The following RBPJ variants were observed in gnomAD, a reference collection of about 807,000 sequenced individuals.
The protein encoded by RBPJ is recombining binding protein suppressor of hairless.
A neutral mutation model predicts 67.8 loss-of-function variants in RBPJ; 9 were observed. The ratio of observed to expected loss-of-function variants is 0.13; its 90% CI spans 0.08 to 0.23. The LOEUF (loss-of-function observed/expected upper bound fraction) is 0.23, where lower values mean the gene tolerates loss of function less well. Ranked by LOEUF, RBPJ falls within the 10% of genes least tolerant of loss-of-function variation. The pLI is 1.00. For missense variants in RBPJ, 305 were observed against 595.6 expected (o/e 0.51, Z 5.08); for synonymous variants, 198 against 203.3 (o/e 0.97, Z 0.22).
chr4:26,118,447 G>T, the RBPJ span, among the ~76,000 whole-genome samples: 1 of 152,210 alleles, frequency 6.6e-6, no homozygotes, highest in Non-Finnish European at 1.5e-5. Context: ...GTGGGATCAT[G>T]TGGTACAAAA....
At position 26,429,063 on chromosome 4, in the gene RBPJ, T is replaced by C. The variant is rs372767777; in HGVS notation, c.888+203T>C. Among the ~76,000 whole-genome samples, 28 of 152,300 alleles carry C rather than the reference T, an allele frequency of 1.8e-4. No individual in the cohort carries two copies. In the East Asian group the frequency reaches 4.8e-3, roughly 26 times the overall value. ...TTCCTCAAGGAAGAACTCAAAATTA[T>C]GAAAATGTTCTCAGAGAAAACAGTT... On this transcript the variant is annotated intron_variant, in intron 8 of 10. Coordinates refer to ENST00000355476, the MANE Select transcript of RBPJ (RefSeq NM_015874.6).
chr4:26,366,242 A>G (rs895734669), intron 1 of RBPJ, among the ~76,000 whole-genome samples: 6 of 152,066 alleles, frequency 3.9e-5, no homozygotes, highest in South Asian at 4.2e-4. Flanking sequence ...AAAGCTTCAG[A>G]TATTTAAGAC....
chr4:26,388,188 G>T (rs1731113666), intron 2 of RBPJ, among the ~76,000 whole-genome samples: 1 of 151,878 alleles, frequency 6.6e-6, no homozygotes, highest in Admixed American at 6.6e-5. Context: ...GTAGAGACAG[G>T]GTCTCACTAT....
At chr4:26,120,789 G>A in the RBPJ span, among the ~76,000 whole-genome samples, 1 of 146,834 alleles carries the variant, frequency 6.8e-6, no homozygotes, top group Admixed American at 7.0e-5. Context: ...GACCATTGAG[G>A]CGTGGACAGA....
chr4:26,245,301 C>T (rs141696161), intron 1 of RBPJ, among the ~76,000 whole-genome samples: 1,568 of 151,022 alleles, frequency 0.01, 30 homozygotes, highest in African/African-American at 0.037. Flanking sequence ...CTCCACCTCC[C>T]GGGTTCAAGC....
intron 1 of RBPJ, among the ~76,000 whole-genome samples, chr4:26,266,418 G>C (rs1720706301): frequency 6.6e-6 from 1 of 152,200 alleles, no homozygotes; most frequent in African/African-American, 2.4e-5. Flanking sequence ...TGATGAATAA[G>C]TAGACTGTTA....
chr4:26,229,975 G>A (rs998798586), intron 1 of RBPJ, among the ~76,000 whole-genome samples: 8 of 152,088 alleles, frequency 5.3e-5, no homozygotes, highest in Admixed American at 5.2e-4. Context: ...AACGGCTTGA[G>A]CCCAGGGGTT....
chr4:26,340,907 G>A (rs1276382427), intron 1 of RBPJ, among the ~76,000 whole-genome samples: 1 of 151,426 alleles, frequency 6.6e-6, no homozygotes, highest in Non-Finnish European at 1.5e-5. Context: ...GCATGTGAAA[G>A]CCTTGAAATA....
At chr4:26,219,902 A>G (rs960219671) in intron 1 of RBPJ, among the ~76,000 whole-genome samples, 6 of 151,572 alleles carry the variant, frequency 4.0e-5, no homozygotes, top group African/African-American at 1.5e-4. Flanking sequence ...CAGCCTCCCA[A>G]GTAGCTGGGA....
chr4:26,161,879 C>G (rs1560192331), upstream of RBPJ, among the ~76,000 whole-genome samples: 1 of 152,226 alleles, frequency 6.6e-6, no homozygotes, highest in Non-Finnish European at 1.5e-5. Flanking sequence ...AGTGCTTTAA[C>G]AACTGGTGAT....
intron 2 of RBPJ, among the ~76,000 whole-genome samples, chr4:26,404,170 A>G (rs1037695458): frequency 1.3e-5 from 2 of 151,918 alleles, no homozygotes; most frequent in Non-Finnish European, 1.5e-5. Flanking sequence ...CACTTTTCAT[A>G]TGCTTGTTGG....
At chr4:26,313,223 C>T (rs192934541) in intron 1 of RBPJ, among the ~76,000 whole-genome samples, 2 of 152,242 alleles carry the variant, frequency 1.3e-5, no homozygotes, top group African/African-American at 4.8e-5. Context: ...AAGCCGGAAC[C>T]ATAACTTCTA....
At position 26,365,214 on chromosome 4, in the gene RBPJ, C is replaced by T. The variant is rs948693786; in HGVS notation, c.21-21139C>T. On this transcript the variant is annotated intron_variant, in intron 1 of 10. Coordinates refer to ENST00000355476, the MANE Select transcript of RBPJ (RefSeq NM_015874.6). Reference sequence around the variant, plus strand: ...ATTAGATTTTTTTTTGTAGAGGGTACGCTATTACATTTTTCTTACCCTGAC... The same window carrying T: ...ATTAGATTTTTTTTTGTAGAGGGTATGCTATTACATTTTTCTTACCCTGAC... 4.0e-5 allele frequency among the ~76,000 whole-genome samples: 6 copies of T among 151,608 alleles called. 1 individual carries two copies. In the South Asian group the frequency reaches 6.2e-4, roughly 16 times the overall value.
At chr4:26,146,812 CT>C in the RBPJ span, among the ~76,000 whole-genome samples, 7 of 152,288 alleles carry the variant, frequency 4.6e-5, no homozygotes, top group African/African-American at 1.7e-4. Context: ...ACAGAGATTG[CT>C]CATTTAAATT....
At chr4:26,109,565 CT>C in the RBPJ span, among the ~76,000 whole-genome samples, 1 of 61,976 alleles carries the variant, frequency 1.6e-5, no homozygotes, top group Non-Finnish European at 3.4e-5. Context: ...CTTCCTCTCT[CT>C]CTCTCTCTCT....
intron 1 of RBPJ, among the ~76,000 whole-genome samples, chr4:26,326,330 T>G (rs2109340322): frequency 6.6e-6 from 1 of 152,270 alleles, no homozygotes; most frequent in South Asian, 2.1e-4. Flanking sequence ...AAGTTTTTTT[T>G]TTTGATTATT....
At chr4:26,249,826 G>C (rs1249847947) in intron 1 of RBPJ, among the ~76,000 whole-genome samples, 1 of 134,884 alleles carries the variant, frequency 7.4e-6, no homozygotes, top group African/African-American at 2.8e-5. Context: ...TTTTGCTCCA[G>C]CCCAGGCTGG....
intron 1 of RBPJ, among the ~76,000 whole-genome samples, chr4:26,358,217 CAAAT>C (rs1727617638): frequency 6.6e-6 from 1 of 151,914 alleles, no homozygotes; most frequent in Non-Finnish European, 1.5e-5. Flanking sequence ...TTGTACTGTG[CAAAT>C]ATATCATGAC....
At chr4:26,400,104 A>C (rs1200505748) in intron 2 of RBPJ, among the ~76,000 whole-genome samples, 1 of 152,236 alleles carries the variant, frequency 6.6e-6, no homozygotes, top group African/African-American at 2.4e-5. Context: ...TTCTACGGTC[A>C]AGGATTCTTC....
Sources: gnomAD v4.1 joint callset for allele counts (sites outside exome capture counted in the v4.1 genomes callset) on GRCh38, gnomAD v4.1.1 for gene constraint, MANE v1.5 for transcripts, NCBI Gene and HGNC (gene_info 2026-07-23, HGNC 2026-07-21) for gene names.